Variants in SUMF1 observed in about 807,000 individuals in gnomAD.
SUMF1 encodes the protein formylglycine-generating enzyme.
Under a neutral mutation model 47.6 loss-of-function variants are expected in SUMF1, and 48 were observed. That is an observed-to-expected ratio of 1.01 (90% CI 0.80 to 1.28). The LOEUF (loss-of-function observed/expected upper bound fraction) is 1.28, where lower values mean the gene tolerates loss of function less well. SUMF1 is among the 50% of genes most tolerant of loss of function. The pLI, the probability that SUMF1 is intolerant of heterozygous loss-of-function variation, is 0.00. For synonymous variants in SUMF1, 230 were observed against 192.1 expected, an observed-to-expected ratio of 1.20 and a Z score of -1.63; for missense variants, 571 against 485.4, an observed-to-expected ratio of 1.18 and a Z score of -1.66.
chr3:4,211,896 C>T (rs1424968318), intron 8 of SUMF1, among the ~76,000 whole-genome samples: 1 of 152,122 alleles, frequency 6.6e-6, no homozygotes, highest in Non-Finnish European at 1.5e-5. Context: ...CCTCTCTGGG[C>T]AGGGCATCTC....
At chr3:4,150,666 T>G (rs917299990) in intron 8 of SUMF1, among the ~76,000 whole-genome samples, 1 of 151,596 alleles carries the variant, frequency 6.6e-6, no homozygotes, top group East Asian at 1.9e-4. Context: ...ATTATAGGCA[T>G]GAGCCACTAT....
intron 8 of SUMF1, among the ~76,000 whole-genome samples, chr3:4,298,480 T>TCCA (rs1179803236): frequency 9.2e-5 from 14 of 152,198 alleles, no homozygotes; most frequent in Non-Finnish European, 1.9e-4. Context: ...GCACCACTGC[T>TCCA]GACAGCTTCC....
At chr3:4,173,917 T>C (rs991252264) in intron 8 of SUMF1, among the ~76,000 whole-genome samples, 20 of 151,982 alleles carry the variant, frequency 1.3e-4, no homozygotes, top group African/African-American at 4.6e-4. Context: ...TTAGGAGAAA[T>C]ACCTAATGTA....
intron 8 of SUMF1, among the ~76,000 whole-genome samples, chr3:4,219,382 T>C (rs927583321): frequency 6.6e-6 from 1 of 152,140 alleles, no homozygotes; most frequent in African/African-American, 2.4e-5. Context: ...AAAAGTTATA[T>C]AGCTCATAAG....
chr3:4,154,845 T>C (rs1694417146), intron 8 of SUMF1, among the ~76,000 whole-genome samples: 1 of 151,558 alleles, frequency 6.6e-6, no homozygotes, highest in South Asian at 2.1e-4. Flanking sequence ...ACTTCCAGAA[T>C]ACATCAAAAT....
chr3:4,413,315 G>A (rs1270892469), intron 6 of SUMF1, among the ~76,000 whole-genome samples: 2 of 152,122 alleles, frequency 1.3e-5, no homozygotes, highest in Non-Finnish European at 2.9e-5. Flanking sequence ...GACACCAACA[G>A]TTAACAGCTA....
At position 4,257,267 on chromosome 3, in the gene SUMF1, T is replaced by C. The variant is rs372460402; in HGVS notation, c.1014+119063A>G. ...TGTTGGAAGTTCTGGCCAGGGCAAT[T>C]AGGCAGGAGAAGGAAATAAAGGGTA... On this transcript the variant is annotated intron_variant and NMD_transcript_variant, in intron 8 of 12. Transcript: ENST00000448413. 3.6e-3 allele frequency among the ~76,000 whole-genome samples: 456 copies of C among 126,314 alleles called. 1 individual carries two copies. Among genetic ancestry groups the C allele is most frequent in the African/African-American group, 0.014 (434 of 29,974 alleles). 82.9% of individuals were successfully genotyped at this position (126,314 alleles called of 152,430 possible).
intron 9 of SUMF1, among the ~76,000 whole-genome samples, chr3:4,057,737 A>C (rs1695216379): frequency 6.6e-6 from 1 of 152,142 alleles, no homozygotes; most frequent in South Asian, 2.1e-4. Context: ...TCAGCCAAAT[A>C]AAGGTGGAAA....
intron 3 of SUMF1, among the ~76,000 whole-genome samples, chr3:4,439,573 C>A (rs1169064563): frequency 6.6e-6 from 1 of 151,928 alleles, no homozygotes; most frequent in Non-Finnish European, 1.5e-5. Flanking sequence ...TGATAAATGG[C>A]AGAGCTGAGA....
At chr3:4,456,374 A>C (rs1312499340) in intron 1 of SUMF1, among the ~76,000 whole-genome samples, 1 of 152,054 alleles carries the variant, frequency 6.6e-6, no homozygotes, top group Non-Finnish European at 1.5e-5. Flanking sequence ...GCAATTAGGC[A>C]AGAGAAAGAA....
At chr3:4,341,692 C>T (rs1029920011) in intron 8 of SUMF1, among the ~76,000 whole-genome samples, 4 of 152,160 alleles carry the variant, frequency 2.6e-5, no homozygotes, top group African/African-American at 9.7e-5. Flanking sequence ...AATGGATTCA[C>T]TCCCCATTTA....
intron 9 of SUMF1, among the ~76,000 whole-genome samples, chr3:4,065,921 A>G (rs1695365070): frequency 6.6e-6 from 1 of 152,146 alleles, no homozygotes. Flanking sequence ...TGACAGGGGA[A>G]AAAATGAGGG....
intron 8 of SUMF1, chr3:4,316,693 T>C (rs907008427): frequency 6.4e-7 from 1 of 1,551,154 alleles, no homozygotes; most frequent in Non-Finnish European, 8.7e-7. Flanking sequence ...AAGTGGATTT[T>C]ATATGACAAC....
At chr3:4,288,016 T>C (rs1359161035) in intron 8 of SUMF1, among the ~76,000 whole-genome samples, 2 of 152,136 alleles carry the variant, frequency 1.3e-5, no homozygotes, top group East Asian at 1.9e-4. Flanking sequence ...TACAGTGGTA[T>C]GAAAAATTTA....
At chr3:4,057,920 A>G (rs765468452) in intron 9 of SUMF1, among the ~76,000 whole-genome samples, 1 of 152,150 alleles carries the variant, frequency 6.6e-6, no homozygotes, top group Non-Finnish European at 1.5e-5. Context: ...TGTCTCTAAT[A>G]TATGCCTTGT....
chr3:4,432,156 T>C (rs1324280029), intron 3 of SUMF1, among the ~76,000 whole-genome samples: 10 of 151,838 alleles, frequency 6.6e-5, no homozygotes, highest in Admixed American at 6.6e-4. Context: ...TCTTAGTCTT[T>C]AGGTTCAGTA....
At chr3:4,261,855 A>C (rs1258592633) in intron 8 of SUMF1, among the ~76,000 whole-genome samples, 1 of 152,222 alleles carries the variant, frequency 6.6e-6, no homozygotes, top group Non-Finnish European at 1.5e-5. Context: ...GTACGGAGTC[A>C]GGTGGCAGGA....
intron 8 of SUMF1, among the ~76,000 whole-genome samples, chr3:4,174,715 C>G (rs58959384): frequency 0.012 from 1,780 of 152,192 alleles, 38 homozygotes; most frequent in African/African-American, 0.041. Flanking sequence ...GGAGGGTGAG[C>G]CAAAGCAGGA....
chr3:4,252,589 G>A (rs1385169884), intron 8 of SUMF1, among the ~76,000 whole-genome samples: 2 of 152,082 alleles, frequency 1.3e-5, no homozygotes, highest in Non-Finnish European at 2.9e-5. Context: ...CACGTACAAT[G>A]AACTTAAAGG....
Sources: allele counts gnomAD v4.1 joint callset (sites outside exome capture counted in the v4.1 genomes callset), GRCh38; gene constraint gnomAD v4.1.1; transcripts MANE v1.5; gene names NCBI Gene and HGNC (gene_info 2026-07-23, HGNC 2026-07-21).